CHIT1: variants seen among roughly 807,000 people sequenced by gnomAD.
CHIT1 encodes the protein chitinase 1.
In CHIT1, 47 loss-of-function variants were observed where a neutral mutation model predicts 52.0. That is an observed-to-expected ratio of 0.90 (90% CI 0.71 to 1.15). The LOEUF (loss-of-function observed/expected upper bound fraction) is 1.15. CHIT1 is among the 50% of genes most tolerant of loss of function. CHIT1 has a pLI of 0.00. For missense variants in CHIT1, 569 were observed against 583.0 expected (o/e 0.98, Z 0.25); for synonymous variants, 242 against 228.2 (o/e 1.06, Z -0.54).
intron 9 of CHIT1, chr1:203,218,156 C>A: frequency 5.1e-6 from 7 of 1,379,638 alleles, no homozygotes; most frequent in Non-Finnish European, 5.8e-6. Context: ...TAAGTGGGAA[C>A]CCTTCACCGC....
chr1:203,229,806 T>C (rs1657070379), upstream of CHIT1: 2 of 747,310 alleles, frequency 2.7e-6, no homozygotes, highest in East Asian at 5.4e-5. Context: ...CAGCATGAAT[T>C]GGGCAAACTT....
Position 203,216,749 on chromosome 1 carries a change from G to C in CHIT1, c.*140C>G. 1 of 1,150,378 alleles carries C rather than the reference G, an allele frequency of 8.7e-7. No homozygotes were observed. 71.3% of individuals were successfully genotyped at this position (1,150,378 alleles called of 1,614,324 possible). On this transcript the variant is annotated 3_prime_UTR_variant, in exon 11 of 11. Transcript: ENST00000367229. ...CCAGAAAAAAGGAAGGCAAGGCTGA[G>C]AGCAGAAAGCCTGGATAAAGGAAGA...
chr1:203,223,005 CT>C, intron 6 of CHIT1, 129 bp downstream of exon 6: 1 of 1,255,380 alleles, frequency 8.0e-7, no homozygotes. Context: ...TGCTTTTGTT[CT>C]GGTGTAAGGA....
rs145366738 is a variant in CHIT1, at chr1:203,219,799, C to T, written c.780G>A (p.Leu260=). ...WLQKGTPASK[L]ILGMPTYGRS... Reference sequence around the variant, plus strand: ...GTCCGTAGGTAGGCATGCCAAGGATCAGCTTGCTGGCAGGGGTCCCCTTCT... The same window carrying T: ...GTCCGTAGGTAGGCATGCCAAGGATTAGCTTGCTGGCAGGGGTCCCCTTCT... The change falls in exon 8 of 11, where the codon CTG becomes CTA. Residue 260 remains leucine, a synonymous_variant. Transcript: ENST00000367229. 1,072 of 1,612,806 alleles carry T rather than the reference C, an allele frequency of 6.6e-4. 8 individuals are homozygous for T. The African/African-American group carries it at 0.013, about 20-fold the overall frequency.
At chr1:203,217,990 A>G (rs1656599708) in intron 9 of CHIT1, 125 bp from the exon 10 acceptor site, 1 of 1,536,818 alleles carries the variant, frequency 6.5e-7, no homozygotes, top group African/African-American at 1.4e-5. Context: ...GAGTGGCTGT[A>G]GATTCTGGAG....
chr1:203,216,656 C>A lies in CHIT1; in HGVS notation c.*233G>T. ...GTGCTTAGAGAGCCTCTTAAGTCAC[C>A]ACATCTTTGGGAAGAGGGGCACAAA... On this transcript the variant is annotated 3_prime_UTR_variant, in exon 11 of 11. Coordinates refer to ENST00000367229, the MANE Select transcript of CHIT1 (RefSeq NM_003465.3). The A allele has an allele frequency of 1.6e-6, 1 of 630,266 alleles. No homozygotes were observed. Among genetic ancestry groups the A allele is most frequent in the Non-Finnish European group, 2.9e-6 (1 of 343,708 alleles). The allele number at this position is 630,266 out of a possible 1,614,324, so 39.0% of individuals were successfully genotyped here.
In CHIT1 at chr1:203,225,740, G is replaced by T. The variant is rs762449933; in HGVS notation, c.186C>A (p.Thr62=). The T allele has an allele frequency of 1.9e-6, 3 of 1,614,038 alleles. No homozygotes were observed. Among genetic ancestry groups the T allele is most frequent in the Non-Finnish European group, 2.5e-6 (3 of 1,180,022 alleles). The change falls in exon 3 of 11, where the codon ACC becomes ACA. Residue 62 remains threonine (T), a synonymous_variant. Transcript: ENST00000367229. ...ACTCAGTGGTGCTCAGCTGGTGGTT[G>T]GTCATGCCAGCGAAGGCGTAGATGA... is the stretch of plus-strand genomic sequence containing the variant. ...THLIYAFAGM[T]NHQLSTTEWN... is the part of the protein sequence containing the mutation.
chr1:203,223,956 T>A (rs989102595), intron 4 of CHIT1, among the ~76,000 whole-genome samples: 1 of 152,134 alleles, frequency 6.6e-6, no homozygotes, highest in Non-Finnish European at 1.5e-5. Context: ...TCCAAGCCCT[T>A]GAATTGTCCC....
rs780332677 is a variant in CHIT1 at position 203,223,629 on chromosome 1, G to T, written c.346C>A (p.Arg116Ser). The change falls in exon 5 of 11, where the codon CGT becomes AGT. Residue 116 changes from arginine (R) to serine (S), a missense_variant. Transcript: ENST00000367229. The part of the protein sequence containing the change: ...FTDMVATANN[R>S]QTFVNSAIRF... Reference sequence around the variant, plus strand: ...ATGGCCGAGTTGACAAAGGTCTGACGGTTGTTGGCCGTGGCTACCATATCT... The same window carrying T: ...ATGGCCGAGTTGACAAAGGTCTGACTGTTGTTGGCCGTGGCTACCATATCT... 1 of 1,614,222 alleles carries T rather than the reference G, an allele frequency of 6.2e-7. No individual in the cohort carries two copies. Among genetic ancestry groups the T allele is most frequent in the African/African-American group, 1.3e-5 (1 of 75,040 alleles).
intron 9 of CHIT1, among the ~76,000 whole-genome samples, chr1:203,218,580 C>T (rs114715468): frequency 0.021 from 3,139 of 152,134 alleles, 91 homozygotes; most frequent in African/African-American, 0.068. Flanking sequence ...TGCAGTTGCC[C>T]GCTCCCTCAC....
At chr1:203,222,446 G>T in intron 6 of CHIT1, 121 bp from the exon 7 acceptor site, 1 of 1,466,308 alleles carries the variant, frequency 6.8e-7, no homozygotes. Context: ...CAGAGGCAAA[G>T]GTGGCAGGCT....
intron 1 of CHIT1, among the ~76,000 whole-genome samples, chr1:203,228,862 A>T (rs1657032015): frequency 6.6e-6 from 1 of 152,224 alleles, no homozygotes; most frequent in South Asian, 2.1e-4. Flanking sequence ...TTGTGGAAAA[A>T]CTGCTGACTT....
chr1:203,220,497 C>A (rs537554219), intron 7 of CHIT1, among the ~76,000 whole-genome samples: 7 of 152,108 alleles, frequency 4.6e-5, no homozygotes, highest in Admixed American at 1.3e-4. Flanking sequence ...AAGGCCTTCC[C>A]CTGATTATAT....
chr1:203,229,924 T>A, upstream of CHIT1: 1 of 489,076 alleles, frequency 2.0e-6, no homozygotes, highest in Non-Finnish European at 3.8e-6. Context: ...TCCTGATGGA[T>A]GAGCATGACC....
In CHIT1 at chr1:203,216,948, G is replaced by C. The variant is rs201295432; in HGVS notation, c.1342C>G (p.Gln448Glu). The C allele has an allele frequency of 6.2e-7, 1 of 1,614,196 alleles. No homozygotes were observed. The highest frequency in any genetic ancestry group is 8.5e-7 in the Non-Finnish European group (1 of 1,180,004). ...AACACCAGGCCTGTCGGGCAGCTTT[G>C]CTGGAACAGCCGCCCCGCTGCACAG... ...YSCAAGRLFQ[Q>E]SCPTGLVFSN... is the part of the protein sequence containing the mutation. Residue 448 changes from glutamine to glutamate, a missense_variant, in exon 11 of 11, where the codon CAA (glutamine) becomes GAA (glutamate). Gln to Glu is a conservative substitution (Grantham distance 29, BLOSUM62 2). Coordinates refer to ENST00000367229, the MANE Select transcript of CHIT1 (RefSeq NM_003465.3).
At position 203,217,106 on chromosome 1, in the gene CHIT1, G is replaced by C. The variant is rs1656561541; in HGVS notation, c.1184C>G (p.Pro395Arg). The C allele has an allele frequency of 1.2e-6, 2 of 1,609,414 alleles. No individual in the cohort carries two copies. The highest frequency in any genetic ancestry group is 4.5e-5 in the East Asian group (2 of 44,890). ...LSLPYLPSGTPELEVPKPGQP... is the reference protein window; with the variant it reads ...LSLPYLPSGTRELEVPKPGQP... The stretch of plus-strand genomic sequence containing the variant: ...ACCTGGTTTTGGAACTTCAAGCTCT[G>C]GGGTGCCTGAAGGCAAGTATGGAAG... Residue 395 changes from proline to arginine, a missense_variant, in exon 11 of 11, where the codon CCA becomes CGA. Coordinates refer to ENST00000367229, the MANE Select transcript of CHIT1 (RefSeq NM_003465.3).
In CHIT1 at chr1:203,219,734, C is replaced by T; in HGVS notation, c.845G>A (p.Gly282Glu). The T allele has an allele frequency of 1.2e-6, 2 of 1,614,046 alleles. No individual in the cohort carries two copies. The highest frequency in any genetic ancestry group is 4.5e-5 in the East Asian group (2 of 44,878). Reference sequence around the variant, plus strand: ...AGTGCCAGACCCTGTGGCTGGGGCCCCCACTCTGGTGTCTGATGAGGAGGC... The same window carrying T: ...AGTGCCAGACCCTGTGGCTGGGGCCTCCACTCTGGTGTCTGATGAGGAGGC... ...TLASSSDTRV[G>E]APATGSGTPG... Residue 282 changes from glycine to glutamate, a missense_variant, in exon 8 of 11, where the codon GGG (glycine) becomes GAG (glutamate). Gly to Glu is a moderately conservative substitution (Grantham distance 98, BLOSUM62 -2). Transcript: ENST00000367229.
At chr1:203,221,047 T>C (rs1353926193) in intron 7 of CHIT1, among the ~76,000 whole-genome samples, 1 of 152,158 alleles carries the variant, frequency 6.6e-6, no homozygotes, top group Non-Finnish European at 1.5e-5. Flanking sequence ...ACTCACACAG[T>C]CTTCCAGACA....
intron 2 of CHIT1, 135 bp downstream of exon 2, chr1:203,228,398 G>A: frequency 2.1e-6 from 2 of 948,900 alleles, no homozygotes; most frequent in Non-Finnish European, 3.3e-6. Flanking sequence ...GGGGACATTT[G>A]CAGGGGTCTG....
Sources: allele counts gnomAD v4.1 joint callset (sites outside exome capture counted in the v4.1 genomes callset), GRCh38; gene constraint gnomAD v4.1.1; transcripts MANE v1.5; gene names NCBI Gene and HGNC (gene_info 2026-07-23, HGNC 2026-07-21).